Variants in REPS1 observed in about 807,000 individuals in gnomAD.
REPS1 encodes the protein ralBP1-associated Eps domain-containing protein 1.
REPS1 carries 39 observed loss-of-function variants against 100.9 expected under a neutral mutation model. The observed-to-expected ratio is 0.39, with a 90% CI of 0.30 to 0.50. The LOEUF is 0.50. REPS1 is among the 20% of genes least tolerant of loss of function. The probability of loss-of-function intolerance (pLI) is 0.86; values close to 1 mark genes in which losing one functional copy is unlikely to be tolerated. For synonymous variants in REPS1, 324 were observed against 340.3 expected (o/e 0.95, Z 0.53); for missense variants, 821 against 968.5 (o/e 0.85, Z 2.02).
chr6:138,980,763 T>C (rs187038405), intron 1 of REPS1, among the ~76,000 whole-genome samples: 70 of 148,270 alleles, frequency 4.7e-4, no homozygotes, highest in African/African-American at 1.5e-3. Flanking sequence ...CTATGTCTCA[T>C]TGCAGCCTCA....
At chr6:138,920,347 G>T in intron 11 of REPS1, 31 bp from the exon 12 acceptor site, 1 of 1,188,760 alleles carries the variant, frequency 8.4e-7, no homozygotes, top group Non-Finnish European at 1.3e-6. Flanking sequence ...AAAAATACAA[G>T]ACATAGGTAT....
intron 1 of REPS1, 70 bp downstream of exon 1, chr6:138,987,460 C>T (rs997827579): frequency 7.0e-5 from 97 of 1,379,536 alleles, no homozygotes; most frequent in Non-Finnish European, 8.7e-5. Context: ...GGAATCGGCG[C>T]CCACTCCCAC....
intron 10 of REPS1, among the ~76,000 whole-genome samples, chr6:138,924,845 CCTA>C (rs1424031457): frequency 1.3e-5 from 2 of 152,064 alleles, no homozygotes; most frequent in Non-Finnish European, 2.9e-5. Flanking sequence ...TTGTATTTCT[CCTA>C]CATTTTTCAG....
At chr6:138,922,884 G>A (rs1582737196) in intron 10 of REPS1, among the ~76,000 whole-genome samples, 1 of 152,210 alleles carries the variant, frequency 6.6e-6, no homozygotes, top group Non-Finnish European at 1.5e-5. Context: ...AGAAAGCGAA[G>A]TTCCAGCATA....
rs1779506008 is a variant in REPS1 at position 138,904,293 on chromosome 6, A to G, written c.*771T>C. The G allele has an allele frequency of 6.6e-6, 1 of 152,222 alleles. No homozygotes were observed. Among genetic ancestry groups the G allele is most frequent in the Admixed American group, 6.5e-5 (1 of 15,288 alleles). 9.4% of individuals were successfully genotyped at this position (152,222 alleles called of 1,614,324 possible). ...CAAGATGGCTAAAGGTAAACTAGAA[A>G]TCCTAAGGAATTTCCCTTTATTCTG... On this transcript the variant is annotated 3_prime_UTR_variant, in exon 20 of 20. Coordinates refer to ENST00000450536, the MANE Select transcript of REPS1 (RefSeq NM_001286611.2).
chr6:138,943,694 C>A, intron 6 of REPS1, 118 bp from the exon 7 acceptor site: 1 of 989,276 alleles, frequency 1.0e-6, no homozygotes, highest in Non-Finnish European at 1.5e-6. Context: ...GTGAATATGT[C>A]ATGTTTTTGG....
intron 1 of REPS1, among the ~76,000 whole-genome samples, chr6:138,974,812 AG>A (rs1784511106): frequency 1.3e-5 from 2 of 152,098 alleles, no homozygotes; most frequent in Non-Finnish European, 2.9e-5. Flanking sequence ...TGAGTCCAGG[AG>A]TTTAACAACA....
intron 1 of REPS1, among the ~76,000 whole-genome samples, chr6:138,964,793 T>C (rs569118115): frequency 1.3e-5 from 2 of 152,144 alleles, no homozygotes; most frequent in African/African-American, 2.4e-5. Flanking sequence ...CAAATATATA[T>C]ACATATTCTT....
At position 138,903,895 on chromosome 6, in the gene REPS1, C is replaced by G. The variant is rs182638255; in HGVS notation, c.*1169G>C. Reference sequence around the variant, plus strand: ...AAATTCTTGTTTACAGTAACAAAGTCTATCGGTGCAGTTTAGGACTGTGAA... The same window carrying G: ...AAATTCTTGTTTACAGTAACAAAGTGTATCGGTGCAGTTTAGGACTGTGAA... On this transcript the variant is annotated 3_prime_UTR_variant, in exon 20 of 20. Coordinates refer to ENST00000450536, the MANE Select transcript of REPS1 (RefSeq NM_001286611.2). 4.6e-5 allele frequency: 7 copies of G among 152,240 alleles called. No individual in the cohort carries two copies. Among genetic ancestry groups the G allele is most frequent in the Admixed American group, 4.6e-4 (7 of 15,292 alleles). 9.4% of individuals were successfully genotyped at this position (152,240 alleles called of 1,614,324 possible).
At chr6:138,926,529 T>TA (rs776650723) in intron 9 of REPS1, 48 bp from the exon 10 acceptor site, 35 of 1,312,762 alleles carry the variant, frequency 2.7e-5, no homozygotes, top group Non-Finnish European at 3.7e-5. Context: ...AAAGATGGAG[T>TA]AAAAGATCAC....
chr6:138,956,067 T>G (rs573560889), intron 1 of REPS1, among the ~76,000 whole-genome samples: 1 of 152,290 alleles, frequency 6.6e-6, no homozygotes, highest in South Asian at 2.1e-4. Context: ...TGCATTAATA[T>G]GAGTGTTATA....
At chr6:138,975,397 T>G (rs919068790) in intron 1 of REPS1, among the ~76,000 whole-genome samples, 5 of 152,220 alleles carry the variant, frequency 3.3e-5, no homozygotes, top group Non-Finnish European at 7.3e-5. Flanking sequence ...GAAAGCATTA[T>G]TAAGTTCACA....
rs200307517 is a variant in REPS1 at position 138,938,004 on chromosome 6, TC to T, written c.1135+3330del. On this transcript the variant is annotated intron_variant, in intron 8 of 19. Transcript: ENST00000450536. ...ACGTGTTTGTAGCAGGTCATCTTAATCTTTTTTTTTTTTAAAGAAGACAAAC... is the reference window on the plus strand; with the variant it reads ...ACGTGTTTGTAGCAGGTCATCTTAATTTTTTTTTTTTTAAAGAAGACAAAC... Among the ~76,000 whole-genome samples the T allele has an allele frequency of 3.3e-3, 296 of 88,756 alleles. 1 individual carries two copies. The highest frequency in any genetic ancestry group is 0.012 in the African/African-American group (292 of 23,412). 58.2% of individuals were successfully genotyped at this position (88,756 alleles called of 152,430 possible). A position where few individuals can be genotyped will look rare whatever the true frequency, so the allele number is the denominator to read the frequency against.
At chr6:138,936,051 G>A (rs1256952183) in intron 8 of REPS1, among the ~76,000 whole-genome samples, 1 of 152,118 alleles carries the variant, frequency 6.6e-6, no homozygotes, top group African/African-American at 2.4e-5. Context: ...TTCTCTAACA[G>A]AGGAAGACAG....
intron 1 of REPS1, among the ~76,000 whole-genome samples, chr6:138,963,236 C>T (rs1783838482): frequency 6.6e-6 from 1 of 152,120 alleles, no homozygotes; most frequent in Non-Finnish European, 1.5e-5. Flanking sequence ...ACTCCATAAC[C>T]AAATGATCTT....
intron 1 of REPS1, among the ~76,000 whole-genome samples, chr6:138,965,089 T>C (rs1230702894): frequency 6.6e-6 from 1 of 152,154 alleles, no homozygotes; most frequent in Non-Finnish European, 1.5e-5. Flanking sequence ...TATAAATTCT[T>C]GCTTTAGGAA....
At chr6:138,938,456 G>T (rs1205144943) in intron 8 of REPS1, among the ~76,000 whole-genome samples, 1 of 152,098 alleles carries the variant, frequency 6.6e-6, no homozygotes, top group African/African-American at 2.4e-5. Context: ...GTAACAAATC[G>T]CTGTATTTTC....
chr6:138,937,093 A>G lies in REPS1; in HGVS notation c.1135+4242T>C, dbSNP rs956655029. Among the ~76,000 whole-genome samples, 10 of 149,820 alleles carry G rather than the reference A, an allele frequency of 6.7e-5. No individual in the cohort carries two copies. In the East Asian group the frequency reaches 2.0e-3, roughly 30 times the overall value. On this transcript the variant is annotated intron_variant, in intron 8 of 19. Coordinates refer to ENST00000450536, the MANE Select transcript of REPS1 (RefSeq NM_001286611.2). Reference sequence around the variant, plus strand: ...CTTACATGGATGGCAGGAGGCAAAGAGAGAGCTTGTGCAGGGAAACTCCCC... The same window carrying G: ...CTTACATGGATGGCAGGAGGCAAAGGGAGAGCTTGTGCAGGGAAACTCCCC...
At chr6:138,937,368 G>A (rs1030277844) in intron 8 of REPS1, among the ~76,000 whole-genome samples, 2 of 152,106 alleles carry the variant, frequency 1.3e-5, no homozygotes, top group Admixed American at 6.6e-5. Flanking sequence ...CCTGTGTGTA[G>A]GTTTTTATAT....
Sources: allele counts gnomAD v4.1 joint callset (sites outside exome capture counted in the v4.1 genomes callset), GRCh38; gene constraint gnomAD v4.1.1; transcripts MANE v1.5; gene names NCBI Gene and HGNC (gene_info 2026-07-23, HGNC 2026-07-21).